SORCS3: variants seen among roughly 807,000 people sequenced by gnomAD.
SORCS3 encodes the protein VPS10 domain-containing receptor SorCS3.
SORCS3 carries 57 observed loss-of-function variants against 146.3 expected under a neutral mutation model. The observed-to-expected ratio is 0.39, with a 90% CI of 0.31 to 0.49. The LOEUF is 0.49. SORCS3 is among the 20% of genes least tolerant of loss of function. SORCS3 has a pLI of 0.92. For synonymous variants in SORCS3, 653 were observed against 618.5 expected (o/e 1.06, Z -0.83); for missense variants, 1,341 against 1,575.5 (o/e 0.85, Z 2.52).
intron 3 of SORCS3, 145 bp from the exon 4 acceptor site, chr10:104,977,190 T>G: frequency 3.9e-6 from 2 of 514,202 alleles, no homozygotes; most frequent in Non-Finnish European, 6.1e-6. Flanking sequence ...GGAGAAAAGT[T>G]AATACAAGTA....
chr10:104,764,375 T>C (rs573780490), intron 1 of SORCS3, among the ~76,000 whole-genome samples: 1 of 152,176 alleles, frequency 6.6e-6, no homozygotes, highest in Middle Eastern at 3.2e-3. Flanking sequence ...TGCTGGCTCA[T>C]AGACCACATA....
intron 17 of SORCS3, among the ~76,000 whole-genome samples, chr10:105,212,757 AAGAAG>A (rs989577803): frequency 3.3e-5 from 5 of 152,192 alleles, no homozygotes; most frequent in African/African-American, 1.2e-4. Context: ...GAGGCTGAAA[AAGAAG>A]AGTAGATGAT....
At chr10:105,240,885 G>T (rs1452991511) in intron 20 of SORCS3, among the ~76,000 whole-genome samples, 5 of 151,296 alleles carry the variant, frequency 3.3e-5, no homozygotes, top group African/African-American at 1.2e-4. Flanking sequence ...AGATTTGCTG[G>T]TTTGGAGATT....
intron 25 of SORCS3, among the ~76,000 whole-genome samples, chr10:105,260,458 G>GC: frequency 6.6e-6 from 1 of 152,308 alleles, no homozygotes; most frequent in South Asian, 2.1e-4. Flanking sequence ...CTAGTGTGCT[G>GC]CCTCACATGG....
chr10:104,719,446 C>A (rs2016518085), intron 1 of SORCS3, among the ~76,000 whole-genome samples: 1 of 152,216 alleles, frequency 6.6e-6, no homozygotes, highest in Non-Finnish European at 1.5e-5. Flanking sequence ...TATTCCTTGA[C>A]TCTGAAAGAA....
In SORCS3 at chr10:105,157,156, A is replaced by G. The variant is rs1217640562; in HGVS notation, c.1501A>G (p.Ile501Val). 2.5e-6 allele frequency: 4 copies of G among 1,613,848 alleles called. No homozygotes were observed. The highest frequency in any genetic ancestry group is 3.4e-6 in the Non-Finnish European group (4 of 1,179,926). Residue 501 changes from isoleucine (I) to valine (V), a missense_variant, in exon 10 of 27, where the codon ATA (isoleucine) becomes GTA (valine). Coordinates refer to ENST00000369701, the MANE Select transcript of SORCS3 (RefSeq NM_014978.3). ...ELYEVAGIKG[I>V]FLANKKVDDQ... ...TTCCTAGGTAGCAGGTATCAAAGGG[A>G]TATTTCTGGCAAACAAGAAGGTGGA...
chr10:104,743,420 G>A (rs763668654), intron 1 of SORCS3, among the ~76,000 whole-genome samples: 8 of 152,162 alleles, frequency 5.3e-5, no homozygotes, highest in South Asian at 2.1e-4. Flanking sequence ...AACTGATGTT[G>A]GGAATGCAAA....
intron 1 of SORCS3, among the ~76,000 whole-genome samples, chr10:104,671,912 G>C (rs1289958152): frequency 2.0e-5 from 3 of 152,122 alleles, no homozygotes; most frequent in African/African-American, 7.2e-5. Context: ...GTGTCAATAA[G>C]GGATACTGGT....
At chr10:104,700,091 T>C (rs2016262173) in intron 1 of SORCS3, among the ~76,000 whole-genome samples, 1 of 152,202 alleles carries the variant, frequency 6.6e-6, no homozygotes, top group African/African-American at 2.4e-5. Flanking sequence ...GCTTGGACGC[T>C]GAGCTGTGAT....
intron 17 of SORCS3, among the ~76,000 whole-genome samples, chr10:105,213,383 C>A (rs962297433): frequency 6.6e-6 from 1 of 152,028 alleles, no homozygotes; most frequent in Non-Finnish European, 1.5e-5. Flanking sequence ...CATAGGAAGG[C>A]AACATAGATG....
intron 2 of SORCS3, among the ~76,000 whole-genome samples, chr10:104,849,937 A>G (rs1564697837): frequency 6.6e-6 from 1 of 152,212 alleles, no homozygotes. Flanking sequence ...GTTTGGCAAA[A>G]GGTGAAAGTT....
At position 105,197,327 on chromosome 10, in the gene SORCS3, A is replaced by G. The variant is rs866333461; in HGVS notation, c.2010-2672A>G. 3.9e-5 allele frequency among the ~76,000 whole-genome samples: 6 copies of G among 152,320 alleles called. No individual in the cohort carries two copies. The South Asian group carries it at 6.2e-4, about 16-fold the overall frequency. Reference sequence around the variant, plus strand: ...ACCCCTTTGAATAATCTGATAAAATATATGTGATTTTTATTTATAGATGAG... The same window carrying G: ...ACCCCTTTGAATAATCTGATAAAATGTATGTGATTTTTATTTATAGATGAG... On this transcript the variant is annotated intron_variant, in intron 14 of 26. Coordinates refer to ENST00000369701, the MANE Select transcript of SORCS3 (RefSeq NM_014978.3).
Position 105,139,602 on chromosome 10 carries a change from GACTC to G in SORCS3, c.1302+123_1302+126del, listed in dbSNP as rs1446085638. On this transcript the variant is annotated intron_variant, in intron 8 of 26. Transcript: ENST00000369701. ...TGTTTGGAAGGACTGCTGGCATTTA[GACTC>G]ACTCACCACCAAGTCGTTTGGCCTC... 5.4e-6 allele frequency: 4 copies of G among 742,528 alleles called. No homozygotes were observed. In the African/African-American group the frequency reaches 6.9e-5, roughly 13 times the overall value. The allele number at this position is 742,528 out of a possible 1,614,324, so 46.0% of individuals were successfully genotyped here.
chr10:104,984,704 C>T (rs905561641), intron 4 of SORCS3, among the ~76,000 whole-genome samples: 5 of 152,108 alleles, frequency 3.3e-5, no homozygotes, highest in East Asian at 1.9e-4. Context: ...TACATACAGG[C>T]GTATCTTGGA....
intron 1 of SORCS3, among the ~76,000 whole-genome samples, chr10:104,703,813 C>T (rs574717805): frequency 2.0e-5 from 3 of 149,986 alleles, no homozygotes; most frequent in East Asian, 4.0e-4. Flanking sequence ...GAGAGGTTTT[C>T]GACTCCATCA....
chr10:105,041,284 G>A (rs2055336305), intron 4 of SORCS3, among the ~76,000 whole-genome samples: 1 of 148,438 alleles, frequency 6.7e-6, no homozygotes, highest in African/African-American at 2.5e-5. Context: ...TGTGGGAAGA[G>A]GTCCTCTTCC....
At chr10:104,948,792 T>A (rs998910161) in intron 3 of SORCS3, among the ~76,000 whole-genome samples, 4 of 152,220 alleles carry the variant, frequency 2.6e-5, no homozygotes, top group African/African-American at 7.2e-5. Flanking sequence ...GGATGCCCTT[T>A]TTTATTCCAG....
chr10:105,044,083 A>G (rs2055354198), intron 5 of SORCS3, among the ~76,000 whole-genome samples: 1 of 152,034 alleles, frequency 6.6e-6, no homozygotes, highest in Non-Finnish European at 1.5e-5. Context: ...AAAAAAAAAG[A>G]TTTGGTTAGG....
At chr10:105,176,625 G>C (rs1438783221) in intron 13 of SORCS3, among the ~76,000 whole-genome samples, 2 of 152,038 alleles carry the variant, frequency 1.3e-5, no homozygotes, top group Non-Finnish European at 2.9e-5. Flanking sequence ...GGAGGCCTAG[G>C]TGGGTGGGTT....
Sources: gnomAD v4.1 joint callset for allele counts (sites outside exome capture counted in the v4.1 genomes callset) on GRCh38, gnomAD v4.1.1 for gene constraint, MANE v1.5 for transcripts, NCBI Gene and HGNC (gene_info 2026-07-23, HGNC 2026-07-21) for gene names.